CNNM2: variants seen among roughly 807,000 people sequenced by gnomAD.
CNNM2 encodes cyclin and CBS domain divalent metal cation transport mediator 2, also known as metal transporter CNNM2.
A neutral mutation model predicts 66.9 loss-of-function variants in CNNM2; 12 were observed. The ratio of observed to expected loss-of-function variants is 0.18; its 90% CI spans 0.11 to 0.29. The LOEUF (loss-of-function observed/expected upper bound fraction) is 0.29. Ranked by LOEUF, CNNM2 falls within the 10% of genes least tolerant of loss-of-function variation. CNNM2 has a pLI of 1.00. For missense variants in CNNM2, 705 were observed against 1,167.7 expected, an observed-to-expected ratio of 0.60 and a Z score of 5.77; for synonymous variants, 557 against 501.8, an observed-to-expected ratio of 1.11 and a Z score of -1.47.
chr10:103,016,053 T>C (rs1241690215), intron 1 of CNNM2, among the ~76,000 whole-genome samples: 2 of 152,150 alleles, frequency 1.3e-5, no homozygotes, highest in Non-Finnish European at 2.9e-5. Flanking sequence ...AGATTGTCAT[T>C]TGAGCCTTTA....
intron 1 of CNNM2, among the ~76,000 whole-genome samples, chr10:103,029,074 G>A (rs1171017978): frequency 2.0e-5 from 3 of 151,308 alleles, no homozygotes; most frequent in South Asian, 2.1e-4. Context: ...CACCCGCCTC[G>A]GCCTCCCAAA....
chr10:102,999,649 TC>T (rs36093016), intron 1 of CNNM2, among the ~76,000 whole-genome samples: 35 of 150,684 alleles, frequency 2.3e-4, no homozygotes, highest in East Asian at 9.7e-4. Flanking sequence ...AGGCTGCCCT[TC>T]CCCCCCCACC....
At chr10:103,016,286 G>A (rs752835330) in intron 1 of CNNM2, among the ~76,000 whole-genome samples, 1 of 152,060 alleles carries the variant, frequency 6.6e-6, no homozygotes, top group Non-Finnish European at 1.5e-5. Flanking sequence ...TAGTGACAAA[G>A]CTCTAAAAGA....
intron 1 of CNNM2, among the ~76,000 whole-genome samples, chr10:102,926,690 C>T (rs1236314766): frequency 2.7e-5 from 4 of 149,962 alleles, no homozygotes; most frequent in East Asian, 3.9e-4. Flanking sequence ...GGACCACAGG[C>T]GTGTGCCACC....
Position 103,054,582 on chromosome 10 carries a change from C to A in CNNM2, c.1903+116C>A. ...CTGGGAAATGGGGTGATAAGTAATG[C>A]CACTTTTGTGTTTTGTTTTTTTTGT... On this transcript the variant is annotated intron_variant, in intron 3 of 7. Transcript: ENST00000369878. This position sits in a 1 kb window ranked among gnomAD's most constrained non-coding sequence, Gnocchi z 5.2. The A allele has an allele frequency of 2.8e-6, 3 of 1,076,048 alleles. No homozygotes were observed. The highest frequency in any genetic ancestry group is 2.4e-5 in the Admixed American group (1 of 41,050). 66.7% of individuals were successfully genotyped at this position (1,076,048 alleles called of 1,614,324 possible).
At chr10:102,993,927 A>G (rs1269586474) in intron 1 of CNNM2, among the ~76,000 whole-genome samples, 3 of 151,860 alleles carry the variant, frequency 2.0e-5, no homozygotes, top group African/African-American at 4.8e-5. Flanking sequence ...GCTTTATGTC[A>G]AAATCTTTTT....
chr10:103,040,454 A>G (rs2065019814), intron 1 of CNNM2, among the ~76,000 whole-genome samples: 1 of 152,044 alleles, frequency 6.6e-6, no homozygotes, highest in African/African-American at 2.4e-5. Context: ...GCCCTGCCCT[A>G]GGAACATTTT....
At chr10:102,980,493 C>T (rs1239103891) in intron 1 of CNNM2, among the ~76,000 whole-genome samples, 2 of 152,064 alleles carry the variant, frequency 1.3e-5, no homozygotes, top group Non-Finnish European at 2.9e-5. Context: ...TGGTCTCGAA[C>T]TCCTGGGCTC....
At chr10:102,968,612 T>TC (rs2063502045) in intron 1 of CNNM2, among the ~76,000 whole-genome samples, 1 of 151,876 alleles carries the variant, frequency 6.6e-6, no homozygotes, top group East Asian at 1.9e-4. Context: ...GTAGTGCTTT[T>TC]TTTTTTTTTT....
At chr10:102,956,503 A>G (rs1276458476) in intron 1 of CNNM2, among the ~76,000 whole-genome samples, 1 of 152,182 alleles carries the variant, frequency 6.6e-6, no homozygotes, top group Non-Finnish European at 1.5e-5. Context: ...TCATGCTACT[A>G]TAAAGACACG....
chr10:102,929,446 T>TAAA (rs72447749), intron 1 of CNNM2, among the ~76,000 whole-genome samples: 2 of 125,766 alleles, frequency 1.6e-5, no homozygotes, highest in Non-Finnish European at 3.5e-5. Flanking sequence ...ATGTCTTTTT[T>TAAA]AAAAAAAAAA....
chr10:103,061,043 T>C (rs1041325051), intron 4 of CNNM2, among the ~76,000 whole-genome samples: 1 of 152,070 alleles, frequency 6.6e-6, no homozygotes, highest in Non-Finnish European at 1.5e-5. Flanking sequence ...AAAATAGAAC[T>C]ATAATTATGT....
intron 1 of CNNM2, among the ~76,000 whole-genome samples, chr10:103,006,635 G>C (rs1365012371): frequency 6.6e-6 from 1 of 151,868 alleles, no homozygotes; most frequent in Admixed American, 6.6e-5. Flanking sequence ...TCAAATGCTG[G>C]TTCTTCTTTT....
At chr10:102,936,009 T>C (rs927466517) in intron 1 of CNNM2, among the ~76,000 whole-genome samples, 1 of 145,906 alleles carries the variant, frequency 6.9e-6, no homozygotes, top group East Asian at 2.0e-4. Context: ...GTTTTTTTGG[T>C]TTTTTTTTTG....
At position 103,037,177 on chromosome 10, in the gene CNNM2, T is replaced by A. The variant is rs144278197; in HGVS notation, c.1622-12530T>A. Among the ~76,000 whole-genome samples the A allele has an allele frequency of 4.0e-3, 611 of 151,442 alleles. 19 individuals are homozygous for A. The East Asian group carries it at 0.072, about 18-fold the overall frequency. Reference sequence around the variant, plus strand: ...ATAATATGAATAATCATTTCCTAATTGATCTTTTTAATCATATTAAAGAAG... The same window carrying A: ...ATAATATGAATAATCATTTCCTAATAGATCTTTTTAATCATATTAAAGAAG... On this transcript the variant is annotated intron_variant, in intron 1 of 7. Transcript: ENST00000369878.
At chr10:103,061,696 A>G (rs190880377) in intron 4 of CNNM2, among the ~76,000 whole-genome samples, 4 of 152,362 alleles carry the variant, frequency 2.6e-5, no homozygotes, top group South Asian at 2.1e-4. Flanking sequence ...ATATAAGCCA[A>G]TCTCACTTGT....
chr10:103,089,507 A>T lies in CNNM2; in HGVS notation c.*12327A>T. The stretch of plus-strand genomic sequence containing the variant: ...TCTGCAGAGAGTACAGATACACAAA[A>T]CCAAAACAAGTATCTATGATAATAA... On this transcript the variant is annotated 3_prime_UTR_variant, in exon 8 of 8. Coordinates refer to ENST00000369878, the MANE Select transcript of CNNM2 (RefSeq NM_017649.5). The T allele has an allele frequency of 7.6e-7, 1 of 1,310,406 alleles. No individual in the cohort carries two copies. The allele number at this position is 1,310,406 out of a possible 1,614,324, so 81.2% of individuals were successfully genotyped here.
At chr10:103,060,730 C>T (rs2065370843) in intron 4 of CNNM2, among the ~76,000 whole-genome samples, 2 of 152,010 alleles carry the variant, frequency 1.3e-5, no homozygotes, top group Non-Finnish European at 2.9e-5. Context: ...CAGAAGGTTA[C>T]CCAATAAACT....
chr10:102,969,086 T>C (rs2063510854), intron 1 of CNNM2, among the ~76,000 whole-genome samples: 1 of 151,328 alleles, frequency 6.6e-6, no homozygotes, highest in Non-Finnish European at 1.5e-5. Flanking sequence ...GCTAATTTTT[T>C]CTATTTTTTG....
Sources: gnomAD v4.1 joint callset for allele counts (sites outside exome capture counted in the v4.1 genomes callset) on GRCh38, gnomAD v4.1.1 for gene constraint, Gnocchi (gnomAD v3.1) non-coding constraint, MANE v1.5 for transcripts, NCBI Gene and HGNC (gene_info 2026-07-23, HGNC 2026-07-21) for gene names.